Variants in BCL2L11 observed in about 807,000 individuals in gnomAD.
BCL2L11 encodes BCL2 like 11, also known as bcl-2-like protein 11.
In BCL2L11, 15 loss-of-function variants were observed where a neutral mutation model predicts 20.6. That is an observed-to-expected ratio of 0.73 (90% CI 0.49 to 1.12). The LOEUF (loss-of-function observed/expected upper bound fraction) is 1.12. BCL2L11 is among the 50% of genes most tolerant of loss of function. BCL2L11 has a pLI of 0.00. For synonymous variants in BCL2L11, 108 were observed against 92.8 expected (o/e 1.16, Z -0.94); for missense variants, 292 against 260.9 (o/e 1.12, Z -0.82).
At chr2:111,131,281 C>A (rs1391590931) in intron 2 of BCL2L11, 1 of 149,186 alleles carries the variant, frequency 6.7e-6, no homozygotes, top group Admixed American at 6.7e-5. Flanking sequence ...TTTTTTTTTT[C>A]TTAGTTTTTG....
At chr2:111,130,963 G>A (rs2073831739) in intron 2 of BCL2L11, among the ~76,000 whole-genome samples, 1 of 152,088 alleles carries the variant, frequency 6.6e-6, no homozygotes, top group Admixed American at 6.6e-5. Context: ...ATCCTGCGTG[G>A]GTAGGGTCTG....
At chr2:111,161,535 G>T in intron 3 of BCL2L11, 1 of 1,547,590 alleles carries the variant, frequency 6.5e-7, no homozygotes. Flanking sequence ...CATGGCTGCT[G>T]ATGATCCGCT....
intron 2 of BCL2L11, among the ~76,000 whole-genome samples, chr2:111,127,091 A>G (rs2072788054): frequency 6.6e-6 from 1 of 152,144 alleles, no homozygotes; most frequent in African/African-American, 2.4e-5. Flanking sequence ...CAGTTTTTTC[A>G]CTTTTCCTCA....
intron 2 of BCL2L11, chr2:111,146,301 A>G (rs2076502445): frequency 1.1e-6 from 1 of 905,580 alleles, no homozygotes; most frequent in South Asian, 5.0e-5. Context: ...ATCAACATTT[A>G]CGGCGGTCAG....
chr2:111,162,402 C>A (rs1302783526), intron 3 of BCL2L11, among the ~76,000 whole-genome samples: 3 of 152,182 alleles, frequency 2.0e-5, no homozygotes, highest in African/African-American at 7.2e-5. Flanking sequence ...ATTTTCCCCA[C>A]CCTCTCCAAC....
At chr2:111,129,289 C>G (rs1380263300) in intron 2 of BCL2L11, among the ~76,000 whole-genome samples, 1 of 152,104 alleles carries the variant, frequency 6.6e-6, no homozygotes, top group Non-Finnish European at 1.5e-5. Flanking sequence ...TCTGAAACCC[C>G]AAAGTTACTT....
intron 3 of BCL2L11, among the ~76,000 whole-genome samples, chr2:111,158,824 C>G (rs1032854705): frequency 6.6e-6 from 1 of 152,236 alleles, no homozygotes; most frequent in East Asian, 1.9e-4. Flanking sequence ...ACATCTCACC[C>G]CTGGTTCCCA....
intron 3 of BCL2L11, 186 bp downstream of exon 3, chr2:111,150,333 C>G: frequency 8.0e-7 from 1 of 1,251,342 alleles, no homozygotes; most frequent in Non-Finnish European, 1.1e-6. Context: ...AGTAATGGCA[C>G]TTAAATAAAA....
intron 3 of BCL2L11, among the ~76,000 whole-genome samples, chr2:111,158,193 G>C (rs961293467): frequency 2.0e-5 from 3 of 152,204 alleles, no homozygotes; most frequent in African/African-American, 7.2e-5. Flanking sequence ...ACTGTGTGCT[G>C]GGCCTTTTTC....
At chr2:111,122,426 C>G (rs1309941313) in intron 1 of BCL2L11, among the ~76,000 whole-genome samples, 5 of 152,226 alleles carry the variant, frequency 3.3e-5, no homozygotes, top group Admixed American at 1.3e-4. Context: ...GCCGCCACGA[C>G]CACGGCCAGA....
chr2:111,123,267 C>T (rs192790297), intron 1 of BCL2L11: 2 of 985,494 alleles, frequency 2.0e-6, no homozygotes, highest in East Asian at 1.1e-4. Flanking sequence ...GACTTGCTGC[C>T]CTCAGCATTT....
intron 3 of BCL2L11, chr2:111,163,241 CA>C (rs1340684121): frequency 1.3e-5 from 2 of 152,094 alleles, no homozygotes; most frequent in African/African-American, 4.8e-5. Flanking sequence ...GAGAGACAGT[CA>C]TGTAGCCCGG....
intron 3 of BCL2L11, among the ~76,000 whole-genome samples, chr2:111,154,103 A>T (rs2150531837): frequency 6.6e-6 from 1 of 152,304 alleles, no homozygotes; most frequent in Admixed American, 6.5e-5. Context: ...CCACCCTTTT[A>T]TATCTGCCCC....
At chr2:111,145,920 CTTTT>C (rs58738963) in intron 2 of BCL2L11, 8,572 of 726,106 alleles carry the variant, frequency 0.012, 23 homozygotes, top group African/African-American at 0.043. Context: ...TAGTGGCTTT[CTTTT>C]TTTTTTTTTT....
At chr2:111,135,543 G>T (rs761047500) in intron 2 of BCL2L11, among the ~76,000 whole-genome samples, 1 of 151,704 alleles carries the variant, frequency 6.6e-6, no homozygotes, top group Non-Finnish European at 1.5e-5. Flanking sequence ...CCCACCAGGG[G>T]TGGGGGGGTC....
At chr2:111,142,840 C>T (rs998703301) in intron 2 of BCL2L11, among the ~76,000 whole-genome samples, 2 of 152,158 alleles carry the variant, frequency 1.3e-5, no homozygotes, top group Non-Finnish European at 2.9e-5. Flanking sequence ...TCCCCTCTTG[C>T]CCAGATCTGG....
At chr2:111,132,228 G>GTCCTCAGAA (rs1329051127) in intron 2 of BCL2L11, 2 of 152,166 alleles carry the variant, frequency 1.3e-5, no homozygotes, top group African/African-American at 4.8e-5. Context: ...ATCATTTGTA[G>GTCCTCAGAA]TCCTCAGAAT....
intron 3 of BCL2L11, among the ~76,000 whole-genome samples, chr2:111,150,909 TGTG>T (rs778733821): frequency 6.1e-3 from 296 of 48,918 alleles, no homozygotes; most frequent in Non-Finnish European, 9.8e-3. Flanking sequence ...TTTGTTTGTG[TGTG>T]TGTTTGTTTT....
intron 2 of BCL2L11, among the ~76,000 whole-genome samples, chr2:111,149,424 T>A (rs924418083): frequency 2.0e-5 from 3 of 152,230 alleles, no homozygotes; most frequent in Admixed American, 1.3e-4. Flanking sequence ...CTCATCTTGA[T>A]TGGCTGCATT....
Sources: allele counts gnomAD v4.1 joint callset (sites outside exome capture counted in the v4.1 genomes callset), GRCh38; gene constraint gnomAD v4.1.1; transcripts MANE v1.5; gene names NCBI Gene and HGNC (gene_info 2026-07-23, HGNC 2026-07-21).